The following SLIT3 variants were observed in gnomAD, a reference collection of about 807,000 sequenced individuals.
SLIT3 encodes the protein slit guidance ligand 3, also known as slit homolog 3 protein.
Under a neutral mutation model 184.0 loss-of-function variants are expected in SLIT3, and 68 were observed. The observed-to-expected ratio is 0.37, with a 90% CI of 0.30 to 0.45. The LOEUF is 0.45. Among genes scored for constraint, SLIT3 ranks in the 20% least tolerant of loss-of-function variants. SLIT3 has a pLI of 1.00. For synonymous variants in SLIT3, 831 were observed against 828.6 expected (o/e 1.00, Z -0.05); for missense variants, 1,707 against 2,026.0 (o/e 0.84, Z 3.02).
At chr5:168,841,744 C>A (rs183627788) in intron 6 of SLIT3, among the ~76,000 whole-genome samples, 1 of 152,110 alleles carries the variant, frequency 6.6e-6, no homozygotes, top group Admixed American at 6.5e-5. Flanking sequence ...TTATTGCATG[C>A]GAAATACTTC....
chr5:169,175,918 C>T (rs1458734102), intron 4 of SLIT3, among the ~76,000 whole-genome samples: 1 of 152,178 alleles, frequency 6.6e-6, no homozygotes, highest in African/African-American at 2.4e-5. Context: ...CCACGTCCCC[C>T]ATAAGGAAGC....
chr5:168,925,299 G>T (rs1302992533), intron 4 of SLIT3, among the ~76,000 whole-genome samples: 1 of 152,144 alleles, frequency 6.6e-6, no homozygotes, highest in African/African-American at 2.4e-5. Flanking sequence ...CGCACCAAGG[G>T]AGCTGCTACT....
At chr5:168,760,983 C>T in intron 15 of SLIT3, 47 bp from the exon 16 acceptor site, 1 of 1,355,492 alleles carries the variant, frequency 7.4e-7, no homozygotes, top group East Asian at 2.3e-5. Flanking sequence ...GGACGAGGCC[C>T]CTCCTTCCAC....
intron 4 of SLIT3, among the ~76,000 whole-genome samples, chr5:168,885,660 G>A (rs950012728): frequency 1.3e-5 from 2 of 152,006 alleles, no homozygotes; most frequent in Non-Finnish European, 2.9e-5. Context: ...TGGAAGATGA[G>A]CCCCAGTCAC....
intron 20 of SLIT3, among the ~76,000 whole-genome samples, chr5:168,741,499 A>T (rs1360001368): frequency 6.6e-6 from 1 of 150,762 alleles, no homozygotes; most frequent in Non-Finnish European, 1.5e-5. Flanking sequence ...AAAAAAAAGA[A>T]GACAAGACAG....
chr5:169,288,943 C>T (rs183825735), intron 1 of SLIT3, among the ~76,000 whole-genome samples: 1 of 152,196 alleles, frequency 6.6e-6, no homozygotes, highest in Non-Finnish European at 1.5e-5. Flanking sequence ...ATACCCTGAT[C>T]GTCTTCCAGA....
chr5:168,844,524 C>T (rs1017997601), intron 6 of SLIT3, 60 bp downstream of exon 6: 39 of 1,448,596 alleles, frequency 2.7e-5, no homozygotes, highest in Non-Finnish European at 3.7e-5. Context: ...CCCACACAGA[C>T]ACACACACAT....
chr5:168,735,859 G>A (rs1763421355), intron 20 of SLIT3, among the ~76,000 whole-genome samples: 1 of 152,106 alleles, frequency 6.6e-6, no homozygotes, highest in African/African-American at 2.4e-5. Flanking sequence ...CTTGGAGTCA[G>A]CTCTCCCTAT....
chr5:168,900,787 C>T (rs562631798), intron 4 of SLIT3, among the ~76,000 whole-genome samples: 2 of 152,076 alleles, frequency 1.3e-5, no homozygotes, highest in Non-Finnish European at 2.9e-5. Context: ...GCCATAAAAA[C>T]GAATGAAATC....
chr5:168,795,634 AC>A, intron 9 of SLIT3, 56 bp from the exon 10 acceptor site: 3 of 1,319,134 alleles, frequency 2.3e-6, no homozygotes, highest in Non-Finnish European at 3.3e-6. Context: ...ACAAGTGGTC[AC>A]TGAGGGCTAC....
intron 4 of SLIT3, chr5:169,026,240 TTTAATA>T (rs1756818389): frequency 2.0e-5 from 3 of 152,282 alleles, no homozygotes; most frequent in Non-Finnish European, 4.4e-5. Flanking sequence ...ACAGCCTAAT[TTTAATA>T]TTAAAAATGA....
At chr5:168,985,480 G>A (rs143482879) in intron 4 of SLIT3, among the ~76,000 whole-genome samples, 52 of 152,286 alleles carry the variant, frequency 3.4e-4, no homozygotes, top group South Asian at 2.1e-4. Flanking sequence ...CATGGTGCAT[G>A]GGAACAACTG....
intron 5 of SLIT3, among the ~76,000 whole-genome samples, chr5:168,858,351 C>G (rs919561161): frequency 1.3e-5 from 2 of 152,216 alleles, no homozygotes; most frequent in Admixed American, 1.3e-4. Context: ...TCCTTTGTCT[C>G]CTTCAGAAAT....
At chr5:168,810,327 G>A (rs760087033) in intron 8 of SLIT3, among the ~76,000 whole-genome samples, 5 of 152,166 alleles carry the variant, frequency 3.3e-5, no homozygotes, top group South Asian at 2.1e-4. Context: ...CTCTTATGGC[G>A]GTCTCATGAC....
chr5:169,257,633 G>A (rs1323382182), intron 1 of SLIT3, among the ~76,000 whole-genome samples: 2 of 122,814 alleles, frequency 1.6e-5, no homozygotes, highest in Non-Finnish European at 3.2e-5. Flanking sequence ...TGCAACCTCC[G>A]CTTCCTGGGT....
chr5:168,734,122 T>C (rs1168149055), intron 20 of SLIT3, among the ~76,000 whole-genome samples: 4 of 152,220 alleles, frequency 2.6e-5, no homozygotes, highest in African/African-American at 9.6e-5. Flanking sequence ...GCCCAGACTT[T>C]ACCACAACAC....
At chr5:168,949,866 A>C (rs1164812914) in intron 4 of SLIT3, among the ~76,000 whole-genome samples, 2 of 152,214 alleles carry the variant, frequency 1.3e-5, no homozygotes, top group Non-Finnish European at 2.9e-5. Flanking sequence ...TGCTGGGATT[A>C]CAGGTGTGAG....
At chr5:169,279,521 T>C (rs932298866) in intron 1 of SLIT3, among the ~76,000 whole-genome samples, 2 of 152,232 alleles carry the variant, frequency 1.3e-5, no homozygotes, top group Non-Finnish European at 2.9e-5. Context: ...TATTCCATAT[T>C]AGGATGAACT....
intron 4 of SLIT3, among the ~76,000 whole-genome samples, chr5:168,929,726 C>T (rs1761932004): frequency 1.3e-5 from 2 of 152,194 alleles, no homozygotes; most frequent in Admixed American, 1.3e-4. Context: ...TAAAACCTAG[C>T]ACCTATGGGG....
Sources: allele counts gnomAD v4.1 joint callset (sites outside exome capture counted in the v4.1 genomes callset), GRCh38; gene constraint gnomAD v4.1.1; transcripts MANE v1.5; gene names NCBI Gene and HGNC (gene_info 2026-07-23, HGNC 2026-07-21).